The following KAZN variants were observed in gnomAD, a reference collection of about 807,000 sequenced individuals.
The protein encoded by KAZN is kazrin.
KAZN carries 40 observed loss-of-function variants against 87.4 expected under a neutral mutation model. The observed-to-expected ratio is 0.46, with a 90% CI of 0.36 to 0.60. KAZN has a LOEUF of 0.60. Among genes scored for constraint, KAZN ranks in the 20% least tolerant of loss-of-function variants. KAZN has a pLI of 0.00. For synonymous variants in KAZN, 466 were observed against 458.3 expected, an observed-to-expected ratio of 1.02 and a Z score of -0.22; for missense variants, 898 against 1,073.9, an observed-to-expected ratio of 0.84 and a Z score of 2.29.
chr1:13,964,415 C>A (rs1017582481), intron 1 of KAZN, among the ~76,000 whole-genome samples: 2 of 152,352 alleles, frequency 1.3e-5, no homozygotes, highest in African/African-American at 4.8e-5. Flanking sequence ...TGGCTTAAAA[C>A]AACAACTGCT....
intron 1 of KAZN, among the ~76,000 whole-genome samples, chr1:14,884,555 C>T (rs534189870): frequency 3.3e-5 from 5 of 152,288 alleles, no homozygotes; most frequent in South Asian, 2.1e-4. Flanking sequence ...ATATTAAGGA[C>T]GTTCATTGCT....
At chr1:14,944,387 G>T (rs1661494894) in intron 1 of KAZN, among the ~76,000 whole-genome samples, 1 of 152,270 alleles carries the variant, frequency 6.6e-6, no homozygotes, top group African/African-American at 2.4e-5. Context: ...ATGCCGGGGA[G>T]ACACAGCTGT....
At chr1:14,095,150 C>T (rs1418589437) in intron 1 of KAZN, among the ~76,000 whole-genome samples, 1 of 152,188 alleles carries the variant, frequency 6.6e-6, no homozygotes, top group Non-Finnish European at 1.5e-5. Context: ...CCATTCCCTT[C>T]CGTGAACAAT....
intron 2 of KAZN, among the ~76,000 whole-genome samples, chr1:14,248,948 A>C (rs1465427397): frequency 6.6e-6 from 1 of 152,198 alleles, no homozygotes; most frequent in South Asian, 2.1e-4. Flanking sequence ...AGCCAGTCAC[A>C]TGGAAAGGCC....
intron 1 of KAZN, among the ~76,000 whole-genome samples, chr1:14,641,875 G>A (rs753489290): frequency 6.6e-6 from 1 of 152,218 alleles, no homozygotes; most frequent in Non-Finnish European, 1.5e-5. Context: ...AGAGAATGAA[G>A]CAACAAGCTA....
intron 2 of KAZN, among the ~76,000 whole-genome samples, chr1:14,586,729 A>G (rs1270871026): frequency 1.3e-5 from 2 of 151,742 alleles, no homozygotes; most frequent in Non-Finnish European, 2.9e-5. Context: ...TTGTTCAGAT[A>G]GGGTCTCGCT....
At chr1:14,698,671 T>G (rs1442565133) in intron 1 of KAZN, among the ~76,000 whole-genome samples, 1 of 152,214 alleles carries the variant, frequency 6.6e-6, no homozygotes, top group Non-Finnish European at 1.5e-5. Context: ...CAGAATCCTT[T>G]GTGTAACGTC....
chr1:14,022,820 T>C (rs935388427), intron 1 of KAZN, among the ~76,000 whole-genome samples: 2 of 152,144 alleles, frequency 1.3e-5, no homozygotes, highest in African/African-American at 4.8e-5. Flanking sequence ...GAAAGAGAGC[T>C]AGGTGGGGTA....
chr1:15,003,708 G>A (rs1201259270), intron 2 of KAZN, among the ~76,000 whole-genome samples: 1 of 152,086 alleles, frequency 6.6e-6, no homozygotes, highest in Non-Finnish European at 1.5e-5. Flanking sequence ...TTGCCTTCGG[G>A]TCATCAGCTT....
chr1:14,906,294 G>T, intron 1 of KAZN, among the ~76,000 whole-genome samples: 1 of 152,126 alleles, frequency 6.6e-6, no homozygotes, highest in East Asian at 1.9e-4. Flanking sequence ...CAGTCCACAT[G>T]GTTGCCCTCA....
intron 1 of KAZN, among the ~76,000 whole-genome samples, chr1:14,869,014 A>T (rs1651855030): frequency 6.6e-6 from 1 of 152,036 alleles, no homozygotes; most frequent in African/African-American, 2.4e-5. Context: ...TATTGTGGGT[A>T]CCCACAAAAT....
intron 1 of KAZN, among the ~76,000 whole-genome samples, chr1:13,958,430 CG>C (rs1351810313): frequency 1.3e-5 from 2 of 151,754 alleles, no homozygotes; most frequent in African/African-American, 4.8e-5. Context: ...AAAAATTAGC[CG>C]GGCATAGTGG....
At chr1:14,419,145 G>A (rs1471994489) in intron 2 of KAZN, among the ~76,000 whole-genome samples, 3 of 152,170 alleles carry the variant, frequency 2.0e-5, no homozygotes, top group Admixed American at 1.3e-4. Context: ...GAACTTCTAT[G>A]CCAGCATAAA....
At chr1:14,079,071 A>G (rs1224491482) in intron 1 of KAZN, among the ~76,000 whole-genome samples, 1 of 152,218 alleles carries the variant, frequency 6.6e-6, no homozygotes, top group Non-Finnish European at 1.5e-5. Flanking sequence ...TTTATAAAGA[A>G]AAGAGGTTCA....
intron 2 of KAZN, among the ~76,000 whole-genome samples, chr1:14,213,662 C>T (rs2100463018): frequency 6.6e-6 from 1 of 152,264 alleles, no homozygotes; most frequent in African/African-American, 2.4e-5. Context: ...CTTTTACTTT[C>T]AAGAAACCAG....
At chr1:14,844,930 G>T (rs1006754301) in intron 1 of KAZN, among the ~76,000 whole-genome samples, 14 of 152,252 alleles carry the variant, frequency 9.2e-5, no homozygotes, top group African/African-American at 3.4e-4. Flanking sequence ...GGGGAGATGG[G>T]TGGATGGCTG....
chr1:14,368,628 C>T (rs1452451642), intron 2 of KAZN, among the ~76,000 whole-genome samples: 1 of 152,118 alleles, frequency 6.6e-6, no homozygotes, highest in Non-Finnish European at 1.5e-5. Flanking sequence ...ACCTGTGATG[C>T]CTCCTCCCTC....
Position 14,127,211 on chromosome 1 carries a change from G to A in KAZN, c.92-53224G>A, listed in dbSNP as rs139036660. ...TTATACGTTGTTTCTTGCCCTTTAG[G>A]CAAGTTCAATTTCATTGTCCAGATG... is the stretch of plus-strand genomic sequence containing the variant. On this transcript the variant is annotated intron_variant, in intron 1 of 16. Coordinates refer to the KAZN transcript ENST00000636203. Among the ~76,000 whole-genome samples, 49 of 152,272 alleles carry A rather than the reference G, an allele frequency of 3.2e-4. No individual in the cohort carries two copies. In the East Asian group the frequency reaches 9.5e-3, roughly 29 times the overall value.
At chr1:14,095,543 G>A (rs1644108216) in intron 1 of KAZN, among the ~76,000 whole-genome samples, 1 of 152,192 alleles carries the variant, frequency 6.6e-6, no homozygotes, top group South Asian at 2.1e-4. Context: ...GGGGATCCAG[G>A]TTGGAAGACA....
Sources: allele counts gnomAD v4.1 joint callset (sites outside exome capture counted in the v4.1 genomes callset), GRCh38; gene constraint gnomAD v4.1.1; transcripts MANE v1.5; gene names NCBI Gene and HGNC (gene_info 2026-07-23, HGNC 2026-07-21).